FBXO22: variants seen among roughly 807,000 people sequenced by gnomAD.
FBXO22 encodes F-box only protein 22.
Under a neutral mutation model 37.2 loss-of-function variants are expected in FBXO22, and 13 were observed. The ratio of observed to expected loss-of-function variants is 0.35; its 90% CI spans 0.23 to 0.56. FBXO22 has a LOEUF of 0.56. Among genes scored for constraint, FBXO22 ranks in the 20% least tolerant of loss-of-function variants. The pLI is 0.87. For missense variants in FBXO22, 446 were observed against 509.9 expected, an observed-to-expected ratio of 0.87 and a Z score of 1.21; for synonymous variants, 189 against 189.1, an observed-to-expected ratio of 1.00 and a Z score of 0.00.
intron 2 of FBXO22, among the ~76,000 whole-genome samples, chr15:75,905,261 G>A (rs565945295): frequency 6.6e-6 from 1 of 152,300 alleles, no homozygotes; most frequent in Admixed American, 6.5e-5. Context: ...TGCTCAGTGA[G>A]CACACCTAGA....
chr15:75,924,776 C>G (rs1477511976), intron 5 of FBXO22, among the ~76,000 whole-genome samples: 1 of 152,190 alleles, frequency 6.6e-6, no homozygotes, highest in East Asian at 1.9e-4. Context: ...GCAAGATGGA[C>G]TTCAGCTTGA....
rs1259645346 is a variant in FBXO22 at position 75,939,530 on chromosome 15, G to T, written c.*6428G>T. 4 of 152,118 alleles carry T rather than the reference G, an allele frequency of 2.6e-5. No individual in the cohort carries two copies. In the East Asian group the frequency reaches 7.7e-4, roughly 29 times the overall value. 9.4% of individuals were successfully genotyped at this position (152,118 alleles called of 1,614,324 possible). A position where few individuals can be genotyped will look rare whatever the true frequency, so the allele number is the denominator to read the frequency against. On this transcript the variant is annotated 3_prime_UTR_variant, in exon 7 of 7. Coordinates refer to ENST00000308275, the MANE Select transcript of FBXO22 (RefSeq NM_147188.3). ...TCCCTTCTAACTTTTCCCAAAAATT[G>T]AAGAGGAAGGACGCTGCCTAATTCA...
chr15:75,918,719 A>T (rs540558759), intron 5 of FBXO22, among the ~76,000 whole-genome samples: 8 of 152,326 alleles, frequency 5.3e-5, no homozygotes, highest in African/African-American at 1.9e-4. Flanking sequence ...AACCTGGAGG[A>T]TGTTAAGTGA....
At chr15:75,923,570 G>T (rs1167308545) in intron 5 of FBXO22, among the ~76,000 whole-genome samples, 1 of 152,128 alleles carries the variant, frequency 6.6e-6, no homozygotes, top group African/African-American at 2.4e-5. Flanking sequence ...AAGAAGCCAG[G>T]TTTCTAAACA....
rs889885544 is a variant in FBXO22 at position 75,938,043 on chromosome 15, A to G, written c.*4941A>G. On this transcript the variant is annotated 3_prime_UTR_variant, in exon 7 of 7. Coordinates refer to ENST00000308275, the MANE Select transcript of FBXO22 (RefSeq NM_147188.3). ...CTTGCCCGGAAAGTTCTAAGACCCA[A>G]GCTTTCACCTTGGTCTGGTCCCTAA... 8 of 152,278 alleles carry G rather than the reference A, an allele frequency of 5.3e-5. No individual in the cohort carries two copies. The highest frequency in any genetic ancestry group is 1.9e-4 in the African/African-American group (8 of 41,470). 9.4% of individuals were successfully genotyped at this position (152,278 alleles called of 1,614,324 possible). A position where few individuals can be genotyped will look rare whatever the true frequency, so the allele number is the denominator to read the frequency against.
Position 75,913,198 on chromosome 15 carries a change from TGCAG to T in FBXO22, c.280-4_280-1del. The T allele has an allele frequency of 1.2e-6, 2 of 1,603,592 alleles. No individual in the cohort carries two copies. Among genetic ancestry groups the T allele is most frequent in the Non-Finnish European group, 1.7e-6 (2 of 1,176,984 alleles). On this transcript the variant is annotated splice_acceptor_variant and splice_polypyrimidine_tract_variant and intron_variant, in intron 2 of 6. Transcript: ENST00000308275. LOFTEE classifies it high-confidence loss of function. ...CCAATTCCAATTTTTTTTTTTTCTT[TGCAG>T]AATGTTCGCATCTTACCACATACAG...
In FBXO22 at chr15:75,933,001, G is replaced by A. The variant is rs755780709; in HGVS notation, c.1111G>A (p.Gly371Arg). The change falls in exon 7 of 7, where the codon GGG (glycine) becomes AGG (arginine). Residue 371 changes from glycine (G) to arginine (R), a missense_variant. Gly to Arg is a moderately radical substitution (Grantham distance 125). This residue lies in a region of FBXO22 where 315 missense variants were observed against 410.1 expected (regional missense o/e 0.77). Transcript: ENST00000308275. The part of the protein sequence containing the change: ...GEIGCDRIVT[G>R]NFILRKCNEV... ...AATTGGATGTGATCGGATAGTCACT[G>A]GGAACTTTATATTGAGGAAATGTAA... is the stretch of plus-strand genomic sequence containing the variant. The A allele has an allele frequency of 6.2e-7, 1 of 1,614,154 alleles. No individual in the cohort carries two copies. Among genetic ancestry groups the A allele is most frequent in the Non-Finnish European group, 8.5e-7 (1 of 1,180,030 alleles).
In FBXO22 at chr15:75,917,368, TAGAA is replaced by T. The variant is rs758428942; in HGVS notation, c.606_609del (p.Glu202AspfsTer7). 5 of 1,597,144 alleles carry T rather than the reference TAGAA, an allele frequency of 3.1e-6. No individual in the cohort carries two copies. The highest frequency in any genetic ancestry group is 1.1e-5 in the South Asian group (1 of 90,166). ...ATTAAGGATCCAAAGAATTTAACAT[TAGAA>T]AGACATCAACTCACTGAAGTAGGTA... On this transcript the variant is annotated frameshift_variant, in exon 5 of 7. Coordinates refer to ENST00000308275, the MANE Select transcript of FBXO22 (RefSeq NM_147188.3). LOFTEE classifies it high-confidence loss of function.
intron 6 of FBXO22, among the ~76,000 whole-genome samples, chr15:75,932,376 A>G (rs1277377641): frequency 6.6e-5 from 10 of 152,250 alleles, no homozygotes; most frequent in Non-Finnish European, 1.3e-4. Flanking sequence ...CTTTTAAGGA[A>G]GTCAGAAAGG....
intron 5 of FBXO22, 91 bp from the exon 6 acceptor site, chr15:75,929,793 G>A: frequency 6.6e-7 from 1 of 1,506,850 alleles, no homozygotes; most frequent in Non-Finnish European, 9.1e-7. Context: ...TTAAGGTGGA[G>A]TGCAAGTCAG....
chr15:75,930,938 CTGGGAAAA>C, intron 6 of FBXO22: 1 of 858,312 alleles, frequency 1.2e-6, no homozygotes, highest in Non-Finnish European at 1.4e-6. Flanking sequence ...TGAGCTAGAT[CTGGGAAAA>C]TAGCTAAAGT....
intron 3 of FBXO22, 106 bp from the exon 4 acceptor site, chr15:75,914,004 G>T (rs1403696948): frequency 1.3e-6 from 1 of 741,044 alleles, no homozygotes. Context: ...GAGCATTCTC[G>T]TGTTAAATGA....
chr15:75,937,670 A>G lies in FBXO22; in HGVS notation c.*4568A>G, dbSNP rs2030511403. The G allele has an allele frequency of 6.6e-6, 1 of 152,226 alleles. No homozygotes were observed. Among genetic ancestry groups the G allele is most frequent in the African/African-American group, 2.4e-5 (1 of 41,452 alleles). 9.4% of individuals were successfully genotyped at this position (152,226 alleles called of 1,614,324 possible). A position where few individuals can be genotyped will look rare whatever the true frequency, so the allele number is the denominator to read the frequency against. On this transcript the variant is annotated 3_prime_UTR_variant, in exon 7 of 7. Coordinates refer to ENST00000308275, the MANE Select transcript of FBXO22 (RefSeq NM_147188.3). ...GTGGCTCTTGCCCGAGCCTCTCCCTACATTGTGGCAGTCTTAAAGCAGCAG... is the reference window on the plus strand; with the variant it reads ...GTGGCTCTTGCCCGAGCCTCTCCCTGCATTGTGGCAGTCTTAAAGCAGCAG...
chr15:75,912,837 G>T (rs986570241), intron 2 of FBXO22, among the ~76,000 whole-genome samples: 1 of 152,120 alleles, frequency 6.6e-6, no homozygotes, highest in Admixed American at 6.6e-5. Context: ...TGCTTCTCTA[G>T]TTCTTTTAAT....
In FBXO22 at chr15:75,940,324, T is replaced by C. The variant is rs2030815078; in HGVS notation, c.*7222T>C. 1 of 151,628 alleles carries C rather than the reference T, an allele frequency of 6.6e-6. No homozygotes were observed. Among genetic ancestry groups the C allele is most frequent in the Admixed American group, 6.6e-5 (1 of 15,264 alleles). The allele number at this position is 151,628 out of a possible 1,614,324, so 9.4% of individuals were successfully genotyped here. On this transcript the variant is annotated 3_prime_UTR_variant, in exon 7 of 7. Coordinates refer to ENST00000308275, the MANE Select transcript of FBXO22 (RefSeq NM_147188.3). ...CTTGTACAATGAAAACTACAAAACA[T>C]TGCTTCAATAAAGATAAAAATAAAC...
At chr15:75,929,086 G>T (rs772960050) in intron 5 of FBXO22, among the ~76,000 whole-genome samples, 10 of 152,148 alleles carry the variant, frequency 6.6e-5, no homozygotes, top group Non-Finnish European at 1.2e-4. Flanking sequence ...TGAGATGGCA[G>T]TAGGGGTAGT....
At chr15:75,930,342 C>A in intron 6 of FBXO22, 1 of 1,294,196 alleles carries the variant, frequency 7.7e-7, no homozygotes, top group Non-Finnish European at 9.8e-7. Context: ...CTCTGTGTGA[C>A]CTCAATGTGT....
At chr15:75,916,336 C>T (rs1307571732) in intron 4 of FBXO22, among the ~76,000 whole-genome samples, 1 of 152,150 alleles carries the variant, frequency 6.6e-6, no homozygotes, top group Non-Finnish European at 1.5e-5. Context: ...CTTATTTTCT[C>T]ACAGTTTGGG....
rs1171779016 is a variant in FBXO22, at chr15:75,932,989, C to T, written c.1099C>T (p.Arg367Trp). ...FFGNGEIGCD[R>W]IVTGNFILRK... ...TGGAAATGGAGAAATTGGATGTGAT[C>T]GGATAGTCACTGGGAACTTTATATT... is the stretch of plus-strand genomic sequence containing the variant. The change falls in exon 7 of 7, where the codon CGG (arginine) becomes TGG (tryptophan). Residue 367 changes from arginine (R) to tryptophan (W), a missense_variant. Transcript: ENST00000308275. The T allele has an allele frequency of 5.0e-6, 8 of 1,613,914 alleles. No homozygotes were observed. The African/African-American group carries it at 6.7e-5, about 13-fold the overall frequency.
Sources: allele counts gnomAD v4.1 joint callset (sites outside exome capture counted in the v4.1 genomes callset), GRCh38; gene constraint gnomAD v4.1.1; regional missense constraint gnomAD v4.1.1; transcripts MANE v1.5; gene names NCBI Gene and HGNC (gene_info 2026-07-23, HGNC 2026-07-21).